C11orf16: variants seen among roughly 807,000 people sequenced by gnomAD.
The protein encoded by C11orf16 is uncharacterized protein C11orf16.
A neutral mutation model predicts 45.1 loss-of-function variants in C11orf16; 38 were observed. The ratio of observed to expected loss-of-function variants is 0.84; its 90% CI spans 0.65 to 1.10. C11orf16 has a LOEUF of 1.10. C11orf16 is among the 50% of genes least tolerant of loss of function. The pLI is 0.00. For synonymous variants in C11orf16, 221 were observed against 222.0 expected (o/e 1.00, Z 0.04); for missense variants, 583 against 569.5 (o/e 1.02, Z -0.24).
chr11:8,926,044 C>A lies in C11orf16; in HGVS notation c.623G>T (p.Gly208Val), dbSNP rs531228609. 61 of 1,613,986 alleles carry A rather than the reference C, an allele frequency of 3.8e-5. No individual in the cohort carries two copies. Among genetic ancestry groups the A allele is most frequent in the Non-Finnish European group, 4.9e-5 (58 of 1,179,964 alleles). ...GGTCAGGGACACCGACTGGACCCCA[C>A]CTAGGGGCACTTTAGCAGCTTTGCC... is the stretch of plus-strand genomic sequence containing the variant. ...WNGKAAKVPL[G>V]GVQSVSLTIW... Residue 208 changes from glycine (G) to valine (V), a missense_variant, in exon 5 of 7, where the codon GGT becomes GTT. Physicochemically the swap from Gly to Val is moderately radical, Grantham distance 109. Transcript: ENST00000326053.
chr11:8,927,524 T>C (rs751095914), intron 3 of C11orf16: 2 of 447,024 alleles, frequency 4.5e-6, no homozygotes, highest in South Asian at 1.6e-5. Flanking sequence ...CTGGACCTTT[T>C]CTCAATGCAA....
At chr11:8,929,275 T>C in intron 3 of C11orf16, 102 bp downstream of exon 3, 2 of 1,261,302 alleles carry the variant, frequency 1.6e-6, no homozygotes, top group South Asian at 1.5e-5. Flanking sequence ...GCTGTGCTTA[T>C]GCAAGAAACC....
rs1357028228 is a variant in C11orf16, at chr11:8,932,198, G to A, written c.111C>T (p.Phe37=). 2 of 1,595,800 alleles carry A rather than the reference G, an allele frequency of 1.3e-6. No homozygotes were observed. The highest frequency in any genetic ancestry group is 1.7e-6 in the Non-Finnish European group (2 of 1,171,510). ...DGAAPPWDLS[F]TYPFALQAPW... is the part of the protein sequence containing the mutation. ...GTGCTTGGAGGGCAAAGGGGTAGGT[G>A]AAGGAGAGGTCCCAAGGTGGAGCAG... is the stretch of plus-strand genomic sequence containing the variant. Residue 37 remains phenylalanine, a synonymous_variant, in exon 2 of 7, where the codon TTC becomes TTT. Coordinates refer to ENST00000326053, the MANE Select transcript of C11orf16 (RefSeq NM_020643.3).
intron 2 of C11orf16, 151 bp from the exon 3 acceptor site, chr11:8,929,684 G>T (rs1027437682): frequency 2.6e-6 from 2 of 763,468 alleles, no homozygotes; most frequent in Non-Finnish European, 4.1e-6. Flanking sequence ...TATGACTTCC[G>T]GAAGGATAAG....
intron 3 of C11orf16, 168 bp downstream of exon 3, chr11:8,929,209 A>G: frequency 1.5e-6 from 1 of 664,678 alleles, no homozygotes; most frequent in Non-Finnish European, 2.4e-6. Context: ...GAGCCCTAGC[A>G]AACTAATACA....
In C11orf16 at chr11:8,925,629, A is replaced by G. The variant is rs764129415; in HGVS notation, c.1038T>C (p.Gly346=). 8 of 1,614,186 alleles carry G rather than the reference A, an allele frequency of 5.0e-6. No homozygotes were observed. The highest frequency in any genetic ancestry group is 5.9e-6 in the Non-Finnish European group (7 of 1,180,012). ...SSSSSSCEQD[G]VENDLEMGPP... is the part of the protein sequence containing the mutation. ...GGCCCATCTCCAGATCATTCTCCACACCGTCTTGTTCACAGGAGGAGGATG... is the reference window on the plus strand; with the variant it reads ...GGCCCATCTCCAGATCATTCTCCACGCCGTCTTGTTCACAGGAGGAGGATG... The change falls in exon 5 of 7, where the codon GGT becomes GGC. Residue 346 remains glycine (G), a synonymous_variant. Coordinates refer to ENST00000326053, the MANE Select transcript of C11orf16 (RefSeq NM_020643.3).
chr11:8,925,884 A>G lies in C11orf16; in HGVS notation c.783T>C (p.Ala261=). Residue 261 remains alanine (A), a synonymous_variant, in exon 5 of 7, where the codon GCT becomes GCC. Transcript: ENST00000326053. ...GRITNELPPD[A]PFLCPLCHHH... is the part of the protein sequence containing the mutation. Reference sequence around the variant, plus strand: ...GGTGGCAGAGAGGGCACAGGAATGGAGCATCCGGAGGAAGCTCATTAGTGA... The same window carrying G: ...GGTGGCAGAGAGGGCACAGGAATGGGGCATCCGGAGGAAGCTCATTAGTGA... 6.2e-7 allele frequency: 1 copy of G among 1,614,218 alleles called. No homozygotes were observed. The highest frequency in any genetic ancestry group is 8.5e-7 in the Non-Finnish European group (1 of 1,180,042).
rs1447240832 is a variant in C11orf16, at chr11:8,926,046, TA to T, written c.620del (p.Leu207GlnfsTer9). 1 of 1,614,044 alleles carries T rather than the reference TA, an allele frequency of 6.2e-7. No individual in the cohort carries two copies. Among genetic ancestry groups the T allele is most frequent in the Non-Finnish European group, 8.5e-7 (1 of 1,179,958 alleles). ...TCAGGGACACCGACTGGACCCCACC[TA>T]GGGGCACTTTAGCAGCTTTGCCATT... ...FWNGKAAKVP[L>X]GGVQSVSLTI... is the part of the protein sequence containing the mutation. On this transcript the variant is annotated frameshift_variant, in exon 5 of 7. Transcript: ENST00000326053. LOFTEE classifies it high-confidence loss of function.
At chr11:8,927,585 A>G (rs1304888881) in intron 3 of C11orf16, 1 of 457,828 alleles carries the variant, frequency 2.2e-6, no homozygotes, top group African/African-American at 2.0e-5. Flanking sequence ...TCCAAGACCA[A>G]CCAGGGATGT....
At chr11:8,922,379 TA>T (rs34599473) in intron 5 of C11orf16, among the ~76,000 whole-genome samples, 3 of 150,248 alleles carry the variant, frequency 2.0e-5, no homozygotes, top group African/African-American at 4.9e-5. Flanking sequence ...TCTCTAAAAA[TA>T]AAAAAAAAAT....
At chr11:8,920,721 A>G (rs570268057) in intron 6 of C11orf16, among the ~76,000 whole-genome samples, 67 of 152,270 alleles carry the variant, frequency 4.4e-4, no homozygotes, top group African/African-American at 1.5e-3. Context: ...CTAGCTACTC[A>G]GGAGGCTCAG....
At chr11:8,920,729 C>T (rs907054054) in intron 6 of C11orf16, among the ~76,000 whole-genome samples, 1 of 152,116 alleles carries the variant, frequency 6.6e-6, no homozygotes, top group Non-Finnish European at 1.5e-5. Context: ...TCAGGAGGCT[C>T]AGGTGGGCGG....
At chr11:8,929,334 C>T (rs2064635167) in intron 3 of C11orf16, 43 bp downstream of exon 3, 1 of 1,592,836 alleles carries the variant, frequency 6.3e-7, no homozygotes, top group Non-Finnish European at 8.6e-7. Flanking sequence ...GACAAGGCCA[C>T]CCAGAGGAGC....
chr11:8,923,436 A>C (rs564292073), intron 5 of C11orf16, among the ~76,000 whole-genome samples: 1 of 152,266 alleles, frequency 6.6e-6, no homozygotes, highest in Admixed American at 6.5e-5. Flanking sequence ...GCTGTGCTGG[A>C]GCAAGAGGCA....
chr11:8,920,108 C>A lies in C11orf16; in HGVS notation c.*365G>T. The A allele has an allele frequency of 3.5e-6, 1 of 287,250 alleles. No individual in the cohort carries two copies. The highest frequency in any genetic ancestry group is 6.4e-6 in the Non-Finnish European group (1 of 156,314). The allele number at this position is 287,250 out of a possible 1,614,324, so 17.8% of individuals were successfully genotyped here. ...AATTCATTTTTATTAAGAGGTGAAA[C>A]AAAATGTCACTCATGTACAACTAGG... is the stretch of plus-strand genomic sequence containing the variant. On this transcript the variant is annotated 3_prime_UTR_variant, in exon 7 of 7. Coordinates refer to ENST00000326053, the MANE Select transcript of C11orf16 (RefSeq NM_020643.3).
At chr11:8,927,457 T>G (rs2064622342) in intron 3 of C11orf16, 1 of 483,488 alleles carries the variant, frequency 2.1e-6, no homozygotes, top group African/African-American at 1.9e-5. Flanking sequence ...TTGCCTGGTT[T>G]TCTTTCCTCC....
Position 8,925,788 on chromosome 11 carries a change from C to A in C11orf16, c.879G>T (p.Trp293Cys). 1 of 1,614,230 alleles carries A rather than the reference C, an allele frequency of 6.2e-7. No individual in the cohort carries two copies. Among genetic ancestry groups the A allele is most frequent in the Admixed American group, 1.7e-5 (1 of 60,032 alleles). The change falls in exon 5 of 7, where the codon TGG becomes TGT. Residue 293 changes from tryptophan (W) to cysteine (C), a missense_variant. Coordinates refer to ENST00000326053, the MANE Select transcript of C11orf16 (RefSeq NM_020643.3). ...CGCPPCGTTW[W>C]PLTRTSEVMA... ...TGACTTCTGAGGTCCTGGTTAGAGG[C>A]CACCAAGTCGTGCCACATGGCGGGC...
In C11orf16 at chr11:8,929,588, C is replaced by G. The variant is rs2064637587; in HGVS notation, c.168-55G>C. The G allele has an allele frequency of 9.4e-6, 14 of 1,491,026 alleles. No homozygotes were observed. The Middle Eastern group carries it at 1.3e-3, about 136-fold the overall frequency. 92.4% of individuals were successfully genotyped at this position (1,491,026 alleles called of 1,614,324 possible). On this transcript the variant is annotated intron_variant, in intron 2 of 6. Coordinates refer to ENST00000326053, the MANE Select transcript of C11orf16 (RefSeq NM_020643.3). ...AGAGAGCAACAAGCCCTAAACACATCAAGAAACACGTTTCGCAGGTACATC... is the reference window on the plus strand; with the variant it reads ...AGAGAGCAACAAGCCCTAAACACATGAAGAAACACGTTTCGCAGGTACATC...
chr11:8,929,071 G>A, intron 3 of C11orf16: 1 of 278,772 alleles, frequency 3.6e-6, no homozygotes, highest in Non-Finnish European at 6.7e-6. Flanking sequence ...AGCAGGGCAT[G>A]GGAATGATTC....
Sources: gnomAD v4.1 joint callset for allele counts (sites outside exome capture counted in the v4.1 genomes callset) on GRCh38, gnomAD v4.1.1 for gene constraint, MANE v1.5 for transcripts, NCBI Gene and HGNC (gene_info 2026-07-23, HGNC 2026-07-21) for gene names.